Variants in FBXL20 observed in about 807,000 individuals in gnomAD.
The protein encoded by FBXL20 is F-box/LRR-repeat protein 20.
FBXL20 carries 11 observed loss-of-function variants against 64.0 expected under a neutral mutation model. That is an observed-to-expected ratio of 0.17 (90% confidence interval 0.11 to 0.28). FBXL20 has a LOEUF of 0.28. Among genes scored for constraint, FBXL20 ranks in the 10% least tolerant of loss-of-function variants. FBXL20 has a pLI of 1.00. For synonymous variants in FBXL20, 184 were observed against 189.0 expected, an observed-to-expected ratio of 0.97 and a Z score of 0.22; for missense variants, 303 against 526.2, an observed-to-expected ratio of 0.58 and a Z score of 4.15.
chr17:39,365,554 T>C (rs1442823515), intron 1 of FBXL20, among the ~76,000 whole-genome samples: 2 of 152,196 alleles, frequency 1.3e-5, no homozygotes, highest in Non-Finnish European at 2.9e-5. Context: ...TCTGACTCAA[T>C]ATTCTGAGCT....
chr17:39,313,126 T>C (rs1300741727), intron 2 of FBXL20, among the ~76,000 whole-genome samples: 6 of 142,362 alleles, frequency 4.2e-5, no homozygotes, highest in African/African-American at 1.6e-4. Flanking sequence ...ACCATGTTCG[T>C]CAGGCTGGTT....
At chr17:39,285,616 A>C in intron 6 of FBXL20, 43 bp from the exon 7 acceptor site, 1 of 1,304,028 alleles carries the variant, frequency 7.7e-7, no homozygotes, top group Non-Finnish European at 1.1e-6. Flanking sequence ...AAACAAGACA[A>C]GTACACATCC....
At chr17:39,268,532 T>A (rs1235474283) in intron 12 of FBXL20, among the ~76,000 whole-genome samples, 2 of 152,068 alleles carry the variant, frequency 1.3e-5, no homozygotes, top group East Asian at 1.9e-4. Context: ...CTTTAATTAT[T>A]TACTAGCATC....
At chr17:39,315,338 G>A (rs1344846395) in intron 2 of FBXL20, among the ~76,000 whole-genome samples, 1 of 149,208 alleles carries the variant, frequency 6.7e-6, no homozygotes, top group African/African-American at 2.5e-5. Context: ...TTTTAGTAAG[G>A]TTTTCACAAA....
chr17:39,289,998 CAAAAAAAAAA>C (rs368530587), intron 6 of FBXL20, among the ~76,000 whole-genome samples: 8 of 41,878 alleles, frequency 1.9e-4, no homozygotes, highest in East Asian at 2.4e-3. Context: ...GACTCAGTCT[CAAAAAAAAAA>C]AAAAAAAAAA....
chr17:39,313,292 G>A (rs2047253631), intron 2 of FBXL20, among the ~76,000 whole-genome samples: 1 of 151,460 alleles, frequency 6.6e-6, no homozygotes, highest in South Asian at 2.1e-4. Flanking sequence ...GGGGTGCAAT[G>A]GCGCAATCTC....
chr17:39,363,810 C>CAAAAAAAAAAAAAAAA (rs71372113), intron 1 of FBXL20, among the ~76,000 whole-genome samples: 4 of 26,662 alleles, frequency 1.5e-4, no homozygotes, highest in African/African-American at 2.4e-4. Context: ...GACTTTATCT[C>CAAAAAAAAAAAAAAAA]AAAAAAAAAA....
intron 2 of FBXL20, among the ~76,000 whole-genome samples, chr17:39,328,393 T>C (rs1185755917): frequency 1.3e-5 from 2 of 152,056 alleles, no homozygotes; most frequent in Non-Finnish European, 2.9e-5. Flanking sequence ...AACACCTTGT[T>C]GTGCCAGAAA....
chr17:39,357,472 A>G (rs1410679727), intron 1 of FBXL20, among the ~76,000 whole-genome samples: 1 of 151,992 alleles, frequency 6.6e-6, no homozygotes, highest in Non-Finnish European at 1.5e-5. Context: ...TCTCTGTCTC[A>G]TATCTTTTGT....
At chr17:39,341,455 T>C (rs563418925) in intron 2 of FBXL20, among the ~76,000 whole-genome samples, 3 of 152,308 alleles carry the variant, frequency 2.0e-5, no homozygotes, top group African/African-American at 7.2e-5. Flanking sequence ...TTCTTTCAGA[T>C]GAGAGGCAGA....
At chr17:39,326,054 A>C (rs1267305389) in intron 2 of FBXL20, among the ~76,000 whole-genome samples, 2 of 152,068 alleles carry the variant, frequency 1.3e-5, no homozygotes. Context: ...CTGGTTGTTT[A>C]AGAGTCTGGG....
At chr17:39,329,333 G>A (rs770765583) in intron 2 of FBXL20, among the ~76,000 whole-genome samples, 3 of 152,136 alleles carry the variant, frequency 2.0e-5, no homozygotes, top group Non-Finnish European at 4.4e-5. Flanking sequence ...CTTCAAAACT[G>A]TCAATGTTGT....
At chr17:39,401,738 A>C, upstream of FBXL20, 7 of 454,668 alleles carry the variant, frequency 1.5e-5, no homozygotes, top group African/African-American at 2.2e-5. Context: ...GAGGGGCGGG[A>C]GGGGAGGAGC....
chr17:39,290,654 T>G (rs1031768346), intron 6 of FBXL20, among the ~76,000 whole-genome samples: 1 of 152,078 alleles, frequency 6.6e-6, no homozygotes, highest in Non-Finnish European at 1.5e-5. Flanking sequence ...ACCCTCGACC[T>G]CCTGGACCCA....
chr17:39,318,393 TA>T (rs1293027943), intron 2 of FBXL20, among the ~76,000 whole-genome samples: 1 of 152,132 alleles, frequency 6.6e-6, no homozygotes, highest in East Asian at 1.9e-4. Flanking sequence ...CCCTTAACCT[TA>T]AAAGTGTTCT....
intron 2 of FBXL20, among the ~76,000 whole-genome samples, chr17:39,313,574 G>C (rs1017161777): frequency 5.9e-5 from 9 of 151,906 alleles, no homozygotes; most frequent in Non-Finnish European, 8.8e-5. Context: ...GAATTGGTGG[G>C]GTAGGCTGCC....
rs146958157 is a variant in FBXL20, at chr17:39,342,106, C to T, written c.104+1074G>A. The stretch of plus-strand genomic sequence containing the variant: ...AACCAGTTTATATATTTATGTTATA[C>T]CCCTGTCTGATCATGAGGGGTTTTG... On this transcript the variant is annotated intron_variant, in intron 2 of 14. Coordinates refer to ENST00000264658, the MANE Select transcript of FBXL20 (RefSeq NM_032875.3). Among the ~76,000 whole-genome samples the T allele has an allele frequency of 7.3e-4, 111 of 152,178 alleles. 2 individuals carry two copies. The East Asian group carries it at 0.015, about 20-fold the overall frequency.
intron 2 of FBXL20, among the ~76,000 whole-genome samples, chr17:39,333,677 C>G (rs530682085): frequency 6.6e-6 from 1 of 151,970 alleles, no homozygotes; most frequent in Non-Finnish European, 1.5e-5. Flanking sequence ...TCTTCCCGGC[C>G]GTCATCCCGT....
intron 2 of FBXL20, among the ~76,000 whole-genome samples, chr17:39,337,708 G>A (rs1221991002): frequency 2.0e-5 from 3 of 152,072 alleles, no homozygotes; most frequent in South Asian, 4.1e-4. Flanking sequence ...CCCTCCGCCC[G>A]GCAGTTGCCC....
Sources: allele counts gnomAD v4.1 joint callset (sites outside exome capture counted in the v4.1 genomes callset), GRCh38; gene constraint gnomAD v4.1.1; transcripts MANE v1.5; gene names NCBI Gene and HGNC (gene_info 2026-07-23, HGNC 2026-07-21).